The following BLTP1 variants were observed in gnomAD, a reference collection of about 807,000 sequenced individuals.
BLTP1 encodes bridge-like lipid transfer protein family member 1, also known as fragile site-associated protein.
At chr4:122,176,866 A>G in the BLTP1 span, among the ~76,000 whole-genome samples, 4 of 152,218 alleles carry the variant, frequency 2.6e-5, no homozygotes, top group African/African-American at 9.6e-5. Flanking sequence ...CTGTTATATC[A>G]AGCACTTCAT....
chr4:122,175,332 C>T, the BLTP1 span: 35 of 866,420 alleles, frequency 4.0e-5, no homozygotes, highest in Non-Finnish European at 4.8e-5. Context: ...ACTGTAAGTT[C>T]ATCCTTTTGG....
chr4:122,350,064 A>G, the BLTP1 span: 1 of 1,613,618 alleles, frequency 6.2e-7, no homozygotes, highest in Non-Finnish European at 8.5e-7. Flanking sequence ...AAAAAAGTTC[A>G]CAAGAACAAT....
the BLTP1 span, chr4:122,356,951 T>C: frequency 1.0e-6 from 1 of 984,198 alleles, no homozygotes; most frequent in African/African-American, 1.7e-5. Context: ...TGGTGTTTTA[T>C]ACTTTACAAA....
At chr4:122,163,678 A>G in the BLTP1 span, among the ~76,000 whole-genome samples, 4 of 152,332 alleles carry the variant, frequency 2.6e-5, no homozygotes, top group Middle Eastern at 3.4e-3. Context: ...GATAGGTACT[A>G]TTAGTGTCCT....
At chr4:122,200,855 C>T in the BLTP1 span, 8 of 815,696 alleles carry the variant, frequency 9.8e-6, no homozygotes, top group African/African-American at 1.3e-4. Context: ...GACCTTCAGC[C>T]ACAGCAATAT....
chr4:122,328,159 A>C, the BLTP1 span: 1 of 1,610,710 alleles, frequency 6.2e-7, no homozygotes, highest in Non-Finnish European at 8.5e-7. Context: ...GGTCCATCCC[A>C]TTATTCATCA....
At chr4:122,340,101 T>A in the BLTP1 span, among the ~76,000 whole-genome samples, 3 of 152,230 alleles carry the variant, frequency 2.0e-5, no homozygotes, top group Non-Finnish European at 4.4e-5. Flanking sequence ...GGAATGTCAT[T>A]AAAATATTGG....
chr4:122,283,239 GATA>G, the BLTP1 span, among the ~76,000 whole-genome samples: 5,438 of 152,078 alleles, frequency 0.036, 343 homozygotes, highest in African/African-American at 0.12. Context: ...TTTGGCATGG[GATA>G]GTATATAACC....
the BLTP1 span, chr4:122,349,536 G>A: frequency 6.2e-7 from 1 of 1,612,216 alleles, no homozygotes; most frequent in South Asian, 1.1e-5. This position sits in a 1 kb window ranked among gnomAD's most constrained non-coding sequence, Gnocchi z 4.5. Flanking sequence ...TGATTACATG[G>A]GCTCAAGTAT....
At chr4:122,240,449 A>C in the BLTP1 span, 1 of 1,062,516 alleles carries the variant, frequency 9.4e-7, no homozygotes, top group African/African-American at 1.6e-5. Context: ...CTTTTTAGCT[A>C]CCTTTCTGAG....
At chr4:122,205,780 TCACATA>T in the BLTP1 span, 2 of 82,612 alleles carry the variant, frequency 2.4e-5, no homozygotes, top group African/African-American at 8.2e-5. Context: ...TCTTTCTCTG[TCACATA>T]CACACACACA....
the BLTP1 span, among the ~76,000 whole-genome samples, chr4:122,177,549 T>G: frequency 6.6e-6 from 1 of 152,214 alleles, no homozygotes; most frequent in Admixed American, 6.5e-5. Flanking sequence ...CTACGAACTT[T>G]CTATAAATAG....
the BLTP1 span, chr4:122,201,191 G>A: frequency 7.7e-7 from 1 of 1,295,952 alleles, no homozygotes; most frequent in Non-Finnish European, 1.1e-6. Flanking sequence ...CATTTGATAA[G>A]TTTTACTTTT....
the BLTP1 span, chr4:122,271,137 C>A: frequency 1.4e-5 from 22 of 1,613,756 alleles, no homozygotes; most frequent in African/African-American, 4.0e-5. Context: ...TCTACCAGTG[C>A]CCTTTCTTTT....
chr4:122,198,241 A>C, the BLTP1 span: 6 of 981,624 alleles, frequency 6.1e-6, no homozygotes, highest in South Asian at 2.8e-4. Context: ...TTTAGTGAAT[A>C]ACTAACCCTT....
chr4:122,266,082 C>G, the BLTP1 span, among the ~76,000 whole-genome samples: 64 of 152,182 alleles, frequency 4.2e-4, no homozygotes, highest in African/African-American at 1.4e-3. Flanking sequence ...TGGATAGCAC[C>G]TATATTTAGA....
chr4:122,269,728 G>C, the BLTP1 span: 8 of 972,298 alleles, frequency 8.2e-6, no homozygotes, highest in Non-Finnish European at 8.6e-6. Flanking sequence ...CTACTACTTT[G>C]TAAAGCCAGG....
At chr4:122,183,921 A>G in the BLTP1 span, among the ~76,000 whole-genome samples, 1 of 152,136 alleles carries the variant, frequency 6.6e-6, no homozygotes, top group African/African-American at 2.4e-5. Flanking sequence ...ACAAAGAGGT[A>G]CATTTTTTTT....
chr4:122,340,006 G>C, the BLTP1 span, among the ~76,000 whole-genome samples: 1 of 152,058 alleles, frequency 6.6e-6, no homozygotes, highest in East Asian at 1.9e-4. Flanking sequence ...AAATGAAATA[G>C]AGATCACACA....
Sources: allele counts gnomAD v4.1 joint callset (sites outside exome capture counted in the v4.1 genomes callset), GRCh38; gene constraint gnomAD v4.1.1; non-coding constraint Gnocchi (gnomAD v3.1); transcripts MANE v1.5; gene names NCBI Gene and HGNC (gene_info 2026-07-23, HGNC 2026-07-21).